The following R3HDM1 variants were observed in gnomAD, a reference collection of about 807,000 sequenced individuals.
The protein encoded by R3HDM1 is R3H domain-containing protein 1.
Under a neutral mutation model 141.1 loss-of-function variants are expected in R3HDM1, and 46 were observed. The observed-to-expected ratio is 0.33, with a 90% CI of 0.26 to 0.42. R3HDM1 has a LOEUF of 0.42. Ranked by LOEUF, R3HDM1 falls within the 10% of genes least tolerant of loss-of-function variation. R3HDM1 has a pLI of 1.00. For missense variants in R3HDM1, 1,184 were observed against 1,368.3 expected (o/e 0.87, Z 2.12); for synonymous variants, 435 against 472.9 (o/e 0.92, Z 1.04).
intron 23 of R3HDM1, among the ~76,000 whole-genome samples, chr2:135,711,451 C>T (rs920907902): frequency 1.3e-5 from 2 of 150,812 alleles, no homozygotes; most frequent in African/African-American, 4.9e-5. Context: ...ACCTGGAACG[C>T]AGGAGTTCGA....
At chr2:135,536,658 A>G (rs1696196987) in intron 1 of R3HDM1, 1 of 935,398 alleles carries the variant, frequency 1.1e-6, no homozygotes, top group Non-Finnish European at 1.3e-6. Context: ...ACTTGTCACA[A>G]CATTAGTTTG....
intron 1 of R3HDM1, among the ~76,000 whole-genome samples, chr2:135,535,686 C>T (rs1055997533): frequency 6.6e-5 from 10 of 151,858 alleles, no homozygotes; most frequent in African/African-American, 1.7e-4. Context: ...AGAATTAAAT[C>T]GTATAATTAA....
In R3HDM1 at chr2:135,648,864, A is replaced by G. The variant is rs181899194; in HGVS notation, c.1624-1038A>G. ...CCTGAAACTCAGGAGTATTTCATTA[A>G]TGGCCAGAGATTTTAAGTAACTAGT... On this transcript the variant is annotated intron_variant, in intron 16 of 26. Transcript: ENST00000683871. 3.4e-4 allele frequency among the ~76,000 whole-genome samples: 51 copies of G among 151,750 alleles called. 1 individual carries two copies. In the East Asian group the frequency reaches 8.1e-3, roughly 24 times the overall value.
chr2:135,718,571 C>T (rs1251663651), intron 24 of R3HDM1, among the ~76,000 whole-genome samples: 1 of 152,144 alleles, frequency 6.6e-6, no homozygotes, highest in Non-Finnish European at 1.5e-5. Context: ...CAGCCTTAAC[C>T]TCCCCGGGCT....
At chr2:135,647,745 A>G (rs2064631200) in intron 16 of R3HDM1, among the ~76,000 whole-genome samples, 1 of 152,234 alleles carries the variant, frequency 6.6e-6, no homozygotes. Context: ...TATGATTTCC[A>G]AAGCCTTCAG....
intron 16 of R3HDM1, among the ~76,000 whole-genome samples, chr2:135,647,437 G>A (rs982622853): frequency 6.6e-6 from 1 of 152,160 alleles, no homozygotes; most frequent in African/African-American, 2.4e-5. Flanking sequence ...GGATTTATCT[G>A]TGATTATATA....
chr2:135,623,819 A>G (rs956745395), intron 7 of R3HDM1, among the ~76,000 whole-genome samples: 2 of 152,232 alleles, frequency 1.3e-5, no homozygotes, highest in Non-Finnish European at 2.9e-5. Context: ...TGTACTAGAA[A>G]AAGACACCTG....
At chr2:135,667,180 C>T in intron 19 of R3HDM1, 1 of 980,226 alleles carries the variant, frequency 1.0e-6, no homozygotes, top group Non-Finnish European at 1.2e-6. Flanking sequence ...TTGTGCTGAG[C>T]ACTGCATTTC....
chr2:135,605,041 A>G, intron 3 of R3HDM1, 25 bp downstream of exon 3: 1 of 1,483,354 alleles, frequency 6.7e-7, no homozygotes, highest in Middle Eastern at 2.0e-4. Context: ...TTCTCTGGCT[A>G]CAAATACTAA....
intron 3 of R3HDM1, among the ~76,000 whole-genome samples, chr2:135,609,378 C>T (rs1446136079): frequency 6.6e-6 from 1 of 152,142 alleles, no homozygotes. Context: ...AACCTGTGTG[C>T]ATTAACGTCA....
At chr2:135,605,135 G>C in intron 3 of R3HDM1, 119 bp downstream of exon 3, 1 of 855,528 alleles carries the variant, frequency 1.2e-6, no homozygotes. Context: ...TTCGTGACAT[G>C]CTTACTAGCT....
chr2:135,664,965 G>A (rs1277251447), intron 19 of R3HDM1, among the ~76,000 whole-genome samples: 1 of 152,190 alleles, frequency 6.6e-6, no homozygotes, highest in Non-Finnish European at 1.5e-5. Context: ...AATTTTTACT[G>A]TGTTGTCTGT....
intron 7 of R3HDM1, among the ~76,000 whole-genome samples, chr2:135,628,098 G>C (rs2062232592): frequency 6.6e-6 from 1 of 152,136 alleles, no homozygotes; most frequent in Admixed American, 6.5e-5. Flanking sequence ...TGGCTCACCT[G>C]CTAAAAGATC....
intron 19 of R3HDM1, chr2:135,670,355 GC>G: frequency 1.0e-6 from 1 of 982,868 alleles, no homozygotes. Context: ...TGTCCTTTTA[GC>G]TACTCAACAC....
chr2:135,535,687 G>A (rs6705527), intron 1 of R3HDM1, among the ~76,000 whole-genome samples: 1,571 of 151,814 alleles, frequency 0.01, 24 homozygotes, highest in African/African-American at 0.036. Context: ...GAATTAAATC[G>A]TATAATTAAA....
Position 135,635,949 on chromosome 2 carries a change from G to A in R3HDM1, c.758G>A (p.Arg253His), listed in dbSNP as rs2063203606. 1.9e-6 allele frequency: 3 copies of A among 1,611,318 alleles called. No individual in the cohort carries two copies. Among genetic ancestry groups the A allele is most frequent in the African/African-American group, 1.3e-5 (1 of 74,692 alleles). The change falls in exon 10 of 27, where the codon CGT (arginine) becomes CAT (histidine). Residue 253 changes from arginine (R) to histidine (H), a missense_variant. By Grantham distance (29) the Arg-to-His change is conservative. Coordinates refer to ENST00000683871, the MANE Select transcript of R3HDM1 (RefSeq NM_001378107.1). The stretch of plus-strand genomic sequence containing the variant: ...GATAAAGGTGAAGACTTTCAGAAAC[G>A]TTATATCCTCAAGAGAGATAACTCT... Reference protein sequence around the residue: ...KDDKGEDFQKRYILKRDNSSF... With the variant: ...KDDKGEDFQKHYILKRDNSSF...
At chr2:135,630,320 C>G (rs541691707) in intron 7 of R3HDM1, among the ~76,000 whole-genome samples, 2 of 78,556 alleles carry the variant, frequency 2.5e-5, no homozygotes, top group Admixed American at 1.3e-4. Flanking sequence ...AAAAAAAAAA[C>G]GAGATTCTCA....
intron 14 of R3HDM1, among the ~76,000 whole-genome samples, chr2:135,640,360 G>A (rs1334794409): frequency 1.3e-5 from 2 of 152,152 alleles, no homozygotes; most frequent in Non-Finnish European, 2.9e-5. Context: ...AAGTCTACTT[G>A]TGTACCAAAT....
chr2:135,581,460 G>T (rs912071857), intron 1 of R3HDM1: 2 of 930,982 alleles, frequency 2.1e-6, no homozygotes, highest in Non-Finnish European at 2.6e-6. Flanking sequence ...ATTGGTTGTG[G>T]ACTGTTGATT....
Sources: gnomAD v4.1 joint callset for allele counts (sites outside exome capture counted in the v4.1 genomes callset) on GRCh38, gnomAD v4.1.1 for gene constraint, MANE v1.5 for transcripts, NCBI Gene and HGNC (gene_info 2026-07-23, HGNC 2026-07-21) for gene names.